The following LGSN variants were observed in gnomAD, a reference collection of about 807,000 sequenced individuals.
The protein encoded by LGSN is lengsin, lens protein with glutamine synthetase domain.
In LGSN, 21 loss-of-function variants were observed where a neutral mutation model predicts 19.5. The ratio of observed to expected loss-of-function variants is 1.07; its 90% CI spans 0.76 to 1.55. The LOEUF is 1.55. LGSN is among the 40% of genes most tolerant of loss of function. The probability of loss-of-function intolerance (pLI) is 0.00; values close to 1 mark genes in which losing one functional copy is unlikely to be tolerated. For synonymous variants in LGSN, 257 were observed against 215.6 expected (o/e 1.19, Z -1.68); for missense variants, 673 against 608.5 (o/e 1.11, Z -1.12).
the LGSN span, among the ~76,000 whole-genome samples, chr6:63,437,797 G>T: frequency 2.6e-5 from 4 of 152,098 alleles, no homozygotes; most frequent in Admixed American, 1.3e-4. Context: ...AGGTGTGGTG[G>T]TGGGCACCTG....
chr6:63,369,944 G>A, the LGSN span, among the ~76,000 whole-genome samples: 4 of 152,250 alleles, frequency 2.6e-5, no homozygotes, highest in East Asian at 5.8e-4. Context: ...CGAGGCTGCA[G>A]TTAGCCAAGA....
chr6:63,297,063 C>A (rs1017930827), intron 1 of LGSN, among the ~76,000 whole-genome samples: 1 of 151,862 alleles, frequency 6.6e-6, no homozygotes, highest in African/African-American at 2.4e-5. Flanking sequence ...AAAAACTGAC[C>A]AGGCGCGGTG....
chr6:63,392,159 CCAGGTGCCTCTCAGGTACT>C, the LGSN span: 2 of 152,222 alleles, frequency 1.3e-5, no homozygotes, highest in African/African-American at 4.8e-5. Flanking sequence ...GACGCCCAGG[CCAGGTGCCTCTCAGGTACT>C]CATGTACTGA....
chr6:63,513,471 G>T, the LGSN span, among the ~76,000 whole-genome samples: 81,272 of 151,666 alleles, frequency 0.54, 23,570 homozygotes, highest in African/African-American at 0.77. Context: ...TACAATGTTT[G>T]CCGTAGTCCC....
At chr6:63,412,476 A>AG in the LGSN span, among the ~76,000 whole-genome samples, 5 of 139,038 alleles carry the variant, frequency 3.6e-5, no homozygotes, top group African/African-American at 1.5e-4. Flanking sequence ...AAGAGAGAGA[A>AG]GAAAGAGAAG....
the LGSN span, among the ~76,000 whole-genome samples, chr6:63,523,249 A>C: frequency 6.6e-6 from 1 of 151,964 alleles, no homozygotes. Flanking sequence ...TGTTTATTTC[A>C]CTATTATGTA....
chr6:63,339,741 A>C, the LGSN span, among the ~76,000 whole-genome samples: 1 of 151,994 alleles, frequency 6.6e-6, no homozygotes, highest in Non-Finnish European at 1.5e-5. Flanking sequence ...TATTTTGTAT[A>C]TCTTTTGTTC....
the LGSN span, among the ~76,000 whole-genome samples, chr6:63,325,602 TC>T: frequency 3.3e-5 from 5 of 152,122 alleles, no homozygotes; most frequent in Non-Finnish European, 7.4e-5. Context: ...TAATAATGTG[TC>T]CGGAATTGGT....
chr6:63,572,551 T>G, the LGSN span: 1 of 403,574 alleles, frequency 2.5e-6, no homozygotes, highest in Non-Finnish European at 4.3e-6. Context: ...AGCCGCTCAC[T>G]GCATGGTAGA....
At chr6:63,455,481 G>A in the LGSN span, among the ~76,000 whole-genome samples, 14 of 152,264 alleles carry the variant, frequency 9.2e-5, no homozygotes, top group Non-Finnish European at 1.3e-4. Context: ...TGAGTGGGGC[G>A]AGGTGGCTCA....
chr6:63,387,874 T>G, the LGSN span, among the ~76,000 whole-genome samples: 22 of 152,050 alleles, frequency 1.4e-4, no homozygotes, highest in East Asian at 3.9e-4. Context: ...TTGATTGATT[T>G]ATTGATTTTG....
chr6:63,503,117 T>C, the LGSN span, among the ~76,000 whole-genome samples: 17 of 152,338 alleles, frequency 1.1e-4, no homozygotes, highest in East Asian at 2.7e-3. Flanking sequence ...GTATTCATCA[T>C]GAGTAAATTT....
the LGSN span, among the ~76,000 whole-genome samples, chr6:63,538,316 T>C: frequency 1.3e-5 from 2 of 152,228 alleles, no homozygotes; most frequent in Non-Finnish European, 2.9e-5. Flanking sequence ...AAAATTGTAC[T>C]GAAAGTTCAG....
chr6:63,521,790 G>C, the LGSN span: 6 of 152,124 alleles, frequency 3.9e-5, no homozygotes, highest in South Asian at 2.1e-4. Context: ...AGAATGAACT[G>C]AAATAATCAT....
At chr6:63,401,650 A>G in the LGSN span, among the ~76,000 whole-genome samples, 1 of 152,220 alleles carries the variant, frequency 6.6e-6, no homozygotes, top group Admixed American at 6.5e-5. Flanking sequence ...CAGTAGGAAT[A>G]CATGCCATGA....
At chr6:63,514,376 C>T in the LGSN span, among the ~76,000 whole-genome samples, 32 of 152,206 alleles carry the variant, frequency 2.1e-4, no homozygotes, top group African/African-American at 7.5e-4. Flanking sequence ...TACAGCCATG[C>T]ACCACCATGC....
chr6:63,338,564 T>C, the LGSN span, among the ~76,000 whole-genome samples: 1 of 152,184 alleles, frequency 6.6e-6, no homozygotes. Context: ...TTTTCATTTC[T>C]AATTTTACTT....
the LGSN span, among the ~76,000 whole-genome samples, chr6:63,482,031 T>A: frequency 6.6e-6 from 1 of 152,274 alleles, no homozygotes; most frequent in South Asian, 2.1e-4. Flanking sequence ...GGCATGTTTA[T>A]TCTGAATAAT....
At chr6:63,330,253 T>C in the LGSN span, among the ~76,000 whole-genome samples, 1 of 152,236 alleles carries the variant, frequency 6.6e-6, no homozygotes, top group Non-Finnish European at 1.5e-5. Context: ...ACCAAGTGAT[T>C]GGCCTGCTCC....
Sources: allele counts gnomAD v4.1 joint callset (sites outside exome capture counted in the v4.1 genomes callset), GRCh38; gene constraint gnomAD v4.1.1; transcripts MANE v1.5; gene names NCBI Gene and HGNC (gene_info 2026-07-23, HGNC 2026-07-21).